TMEM181: variants seen among roughly 807,000 people sequenced by gnomAD.
TMEM181 encodes transmembrane protein 181, also known as G protein-coupled receptor 178.
A neutral mutation model predicts 71.9 loss-of-function variants in TMEM181; 39 were observed. That is an observed-to-expected ratio of 0.54 (90% CI 0.42 to 0.71). The LOEUF is 0.71. Among genes scored for constraint, TMEM181 ranks in the 30% least tolerant of loss-of-function variants. The pLI is 0.00. For missense variants in TMEM181, 595 were observed against 583.0 expected, an observed-to-expected ratio of 1.02 and a Z score of -0.21; for synonymous variants, 245 against 228.8, an observed-to-expected ratio of 1.07 and a Z score of -0.64.
intron 5 of TMEM181, among the ~76,000 whole-genome samples, chr6:158,587,679 G>A (rs565201585): frequency 3.3e-5 from 5 of 151,050 alleles, no homozygotes; most frequent in African/African-American, 9.7e-5. Context: ...GTCTGACTTA[G>A]GTAGCAAGGC....
At chr6:158,555,676 A>G (rs1403654633), upstream of TMEM181, among the ~76,000 whole-genome samples, 1 of 152,254 alleles carries the variant, frequency 6.6e-6, no homozygotes, top group Non-Finnish European at 1.5e-5. Flanking sequence ...CATAATATAC[A>G]GCTAGCTGGA....
chr6:158,540,179 C>A (rs547091061), intron 1 of TMEM181, among the ~76,000 whole-genome samples: 2 of 152,298 alleles, frequency 1.3e-5, no homozygotes, highest in South Asian at 4.1e-4. Flanking sequence ...AAAAGAATAA[C>A]TTGAAGTCTA....
At chr6:158,590,966 C>T (rs935876039) in intron 6 of TMEM181, among the ~76,000 whole-genome samples, 22 of 152,234 alleles carry the variant, frequency 1.4e-4, no homozygotes, top group Admixed American at 7.9e-4. Context: ...GTGTGGTCTT[C>T]GGTGACTGTC....
intron 2 of TMEM181, among the ~76,000 whole-genome samples, chr6:158,576,415 G>GT (rs1016097260): frequency 1.3e-5 from 2 of 152,060 alleles, no homozygotes; most frequent in African/African-American, 4.8e-5. Flanking sequence ...TCCCTCAATT[G>GT]TTGCAAGCCC....
intron 3 of TMEM181, among the ~76,000 whole-genome samples, chr6:158,582,667 A>C (rs1323056055): frequency 6.6e-6 from 1 of 152,002 alleles, no homozygotes; most frequent in Non-Finnish European, 1.5e-5. Context: ...CCCTGTCTTA[A>C]AAAAGAAAAA....
intron 1 of TMEM181, among the ~76,000 whole-genome samples, chr6:158,547,834 T>G (rs544355128): frequency 7.8e-6 from 1 of 129,004 alleles, no homozygotes; most frequent in South Asian, 2.3e-4. Flanking sequence ...TTGCGGTGAG[T>G]CGATATCACG....
chr6:158,585,501 T>TA, intron 5 of TMEM181, 76 bp downstream of exon 5: 1 of 1,340,468 alleles, frequency 7.5e-7, no homozygotes, highest in Non-Finnish European at 9.7e-7. Context: ...CTTTCCAGTC[T>TA]AAAAGATAGC....
chr6:158,616,533 T>A lies in TMEM181; in HGVS notation c.897-7017T>A, dbSNP rs997580889. Among the ~76,000 whole-genome samples the A allele has an allele frequency of 2.0e-5, 3 of 151,902 alleles. No individual in the cohort carries two copies. In the East Asian group the frequency reaches 5.8e-4, roughly 29 times the overall value. On this transcript the variant is annotated intron_variant, in intron 10 of 16. Transcript: ENST00000684151. ...CTTCCAATACTATGTTGAATAGGAG[T>A]GGTGAGAGAGGGCATCCCTGTCTTG...
In TMEM181 at chr6:158,560,091, G is replaced by A; in HGVS notation, c.-134G>A. On this transcript the variant is annotated 5_prime_UTR_variant, in exon 1 of 17. Transcript: ENST00000684151. ...CGTGATCTCGGCGTCGCGCTCTGAT[G>A]AGTTTTCCGCGGCCGGCCGCTGCTC... 1 of 985,108 alleles carries A rather than the reference G, an allele frequency of 1.0e-6. No homozygotes were observed. The allele number at this position is 985,108 out of a possible 1,614,324, so 61.0% of individuals were successfully genotyped here.
rs538279431 is a variant in TMEM181, at chr6:158,561,410, G to A, written c.8+1178G>A. ...GTATTGCCTCTGCACAACTCCAGAGGGCAAGATTCTTGTGCGGCCTATGTA... is the reference window on the plus strand; with the variant it reads ...GTATTGCCTCTGCACAACTCCAGAGAGCAAGATTCTTGTGCGGCCTATGTA... On this transcript the variant is annotated intron_variant, in intron 1 of 16. Transcript: ENST00000684151. Among the ~76,000 whole-genome samples, 114 of 152,338 alleles carry A rather than the reference G, an allele frequency of 7.5e-4. No homozygotes were observed. In the South Asian group the frequency reaches 0.017, roughly 22 times the overall value.
intron 10 of TMEM181, chr6:158,610,617 CT>C: frequency 2.8e-6 from 1 of 356,344 alleles, no homozygotes. Flanking sequence ...ACCTCTTTTC[CT>C]CCCGAGCTTC....
intron 3 of TMEM181, 121 bp from the exon 4 acceptor site, chr6:158,583,833 T>C: frequency 1.6e-6 from 1 of 636,040 alleles, no homozygotes; most frequent in Non-Finnish European, 2.6e-6. Context: ...CACATATTTC[T>C]GTTTCAAAGC....
chr6:158,603,689 A>G lies in TMEM181; in HGVS notation c.493-1578A>G, dbSNP rs147122001. ...TGTCTAATCTGTTGATCATCTTCCA[A>G]GTCTTTATTTAACACAAAAATCTTT... On this transcript the variant is annotated intron_variant, in intron 6 of 16. Transcript: ENST00000684151. 3.7e-3 allele frequency among the ~76,000 whole-genome samples: 550 copies of G among 150,566 alleles called. 4 individuals are homozygous for G. Among genetic ancestry groups the G allele is most frequent in the African/African-American group, 0.012 (492 of 40,822 alleles).
intron 13 of TMEM181, chr6:158,626,408 C>T (rs74671876): frequency 5.9e-4 from 270 of 456,702 alleles, no homozygotes; most frequent in African/African-American, 5.0e-3. Context: ...AGGAAAAAAT[C>T]TAGCTGCTGC....
chr6:158,629,788 T>C lies in TMEM181; in HGVS notation c.1251T>C (p.Phe417=). 6.2e-7 allele frequency: 1 copy of C among 1,614,142 alleles called. No homozygotes were observed. The highest frequency in any genetic ancestry group is 8.5e-7 in the Non-Finnish European group (1 of 1,179,998). Residue 417 remains phenylalanine (F), a synonymous_variant, in exon 15 of 17, where the codon TTT becomes TTC. Transcript: ENST00000684151. ...LLNFYLYTLA[F]VYSPSKNALY... is the part of the protein sequence containing the mutation. ...ACTTCTATCTCTACACCTTGGCCTT[T>C]GTATATTCTCCATCGAAGAATGCCC...
chr6:158,577,262 A>C lies in TMEM181; in HGVS notation c.113-3678A>C, dbSNP rs866582397. 2.0e-5 allele frequency among the ~76,000 whole-genome samples: 3 copies of C among 152,270 alleles called. No individual in the cohort carries two copies. The South Asian group carries it at 6.2e-4, about 32-fold the overall frequency. On this transcript the variant is annotated intron_variant, in intron 2 of 16. Transcript: ENST00000684151. ...AGACAGTCAAGAAAACAATGTATGA[A>C]TAAAAAGATAGAAAACCTAAAAGGA...
At chr6:158,545,885 C>T (rs1487924410) in intron 1 of TMEM181, among the ~76,000 whole-genome samples, 1 of 152,150 alleles carries the variant, frequency 6.6e-6, no homozygotes, top group Non-Finnish European at 1.5e-5. Flanking sequence ...AAAGTGCCCT[C>T]TGCGCTGTGT....
chr6:158,547,617 T>C (rs1781568759), intron 1 of TMEM181, among the ~76,000 whole-genome samples: 1 of 152,174 alleles, frequency 6.6e-6, no homozygotes, highest in Admixed American at 6.5e-5. Context: ...CCTGAAATCC[T>C]GCTAGCTTTT....
At position 158,591,168 on chromosome 6, in the gene TMEM181, T is replaced by C. The variant is rs536401727; in HGVS notation, c.492+1386T>C. Among the ~76,000 whole-genome samples the C allele has an allele frequency of 9.8e-5, 15 of 152,328 alleles. No individual in the cohort carries two copies. The South Asian group carries it at 1.9e-3, about 19-fold the overall frequency. On this transcript the variant is annotated intron_variant, in intron 6 of 16. Coordinates refer to ENST00000684151, the MANE Select transcript of TMEM181 (RefSeq NM_001376852.1). ...GTGAACTACACAAAATGAGTTTTTT[T>C]CTCTGTCTACCCTATAGCCCTTTGC...
Sources: allele counts gnomAD v4.1 joint callset (sites outside exome capture counted in the v4.1 genomes callset), GRCh38; gene constraint gnomAD v4.1.1; transcripts MANE v1.5; gene names NCBI Gene and HGNC (gene_info 2026-07-23, HGNC 2026-07-21).